Variants in CEP68 observed in about 807,000 individuals in gnomAD.
CEP68 encodes centrosomal protein 68, also known as centrosomal protein of 68 kDa.
CEP68 carries 26 observed loss-of-function variants against 55.3 expected under a neutral mutation model. That is an observed-to-expected ratio of 0.47 (90% CI 0.34 to 0.65). The LOEUF is 0.65. Ranked by LOEUF, CEP68 falls within the 30% of genes least tolerant of loss-of-function variation. CEP68 has a pLI of 0.01. For synonymous variants in CEP68, 402 were observed against 383.2 expected (o/e 1.05, Z -0.57); for missense variants, 957 against 946.7 (o/e 1.01, Z -0.14).
At position 65,072,115 on chromosome 2, in the gene CEP68, C is replaced by G. The variant is rs1477360001; in HGVS notation, c.1019C>G (p.Ser340Cys). 6.2e-7 allele frequency: 1 copy of G among 1,613,996 alleles called. No individual in the cohort carries two copies. Among genetic ancestry groups the G allele is most frequent in the African/African-American group, 1.3e-5 (1 of 74,896 alleles). Residue 340 changes from serine to cysteine, a missense_variant, in exon 3 of 7, where the codon TCT becomes TGT. By Grantham distance (112) the Ser-to-Cys change is moderately radical (BLOSUM62 -1). Coordinates refer to ENST00000377990, the MANE Select transcript of CEP68 (RefSeq NM_015147.3). ...QDSGVDLDSF[S>C]VSPASTLKSP... ...TCCGGGGTAGACCTGGATAGCTTCTCTGTCTCTCCAGCAAGCACCCTCAAA... is the reference window on the plus strand; with the variant it reads ...TCCGGGGTAGACCTGGATAGCTTCTGTGTCTCTCCAGCAAGCACCCTCAAA...
At chr2:65,074,243 G>C in intron 3 of CEP68, 39 bp from the exon 4 acceptor site, 1 of 1,607,494 alleles carries the variant, frequency 6.2e-7, no homozygotes, top group African/African-American at 1.3e-5. Flanking sequence ...ATAGCTGTTC[G>C]ATCAGTAACA....
chr2:65,083,011 T>TA (rs1230178624), intron 6 of CEP68, among the ~76,000 whole-genome samples: 1 of 152,100 alleles, frequency 6.6e-6, no homozygotes, highest in Non-Finnish European at 1.5e-5. Context: ...CAGCACAACT[T>TA]ATCTGTACAC....
chr2:65,069,384 TC>T lies in CEP68; in HGVS notation c.-46-11del. ...AGAAGATTTATATTTTTCTCTCCCTTCCCCTGTTTTGTAGGAAGCTGAAGTC... is the reference window on the plus strand; with the variant it reads ...AGAAGATTTATATTTTTCTCTCCCTTCCCTGTTTTGTAGGAAGCTGAAGTC... On this transcript the variant is annotated splice_polypyrimidine_tract_variant and intron_variant, in intron 1 of 6. Transcript: ENST00000377990. The T allele has an allele frequency of 8.0e-7, 1 of 1,253,462 alleles. No individual in the cohort carries two copies. Among genetic ancestry groups the T allele is most frequent in the Non-Finnish European group, 1.1e-6 (1 of 915,188 alleles). The allele number at this position is 1,253,462 out of a possible 1,614,324, so 77.6% of individuals were successfully genotyped here. A position where few individuals can be genotyped will look rare whatever the true frequency, so the allele number is the denominator to read the frequency against.
intron 5 of CEP68, among the ~76,000 whole-genome samples, chr2:65,079,568 A>G (rs1399125688): frequency 6.6e-6 from 1 of 152,094 alleles, no homozygotes; most frequent in East Asian, 1.9e-4. Context: ...CATTTTCACT[A>G]GGGTTCTTAG....
At chr2:65,059,495 A>G (rs188501491) in intron 1 of CEP68, among the ~76,000 whole-genome samples, 3 of 152,256 alleles carry the variant, frequency 2.0e-5, no homozygotes, top group African/African-American at 4.8e-5. Context: ...AGGGAATACT[A>G]TTATTTCTGG....
chr2:65,064,813 T>C (rs1218962955), intron 1 of CEP68, among the ~76,000 whole-genome samples: 1 of 152,142 alleles, frequency 6.6e-6, no homozygotes, highest in Non-Finnish European at 1.5e-5. Flanking sequence ...CCCTGGTTTT[T>C]CTAGCTCACG....
At chr2:65,063,666 A>G (rs761997018) in intron 1 of CEP68, among the ~76,000 whole-genome samples, 8 of 152,202 alleles carry the variant, frequency 5.3e-5, no homozygotes, top group Non-Finnish European at 1.2e-4. Flanking sequence ...ATCTATGGAA[A>G]TGAAGACCAG....
chr2:65,078,406 G>A (rs957084043), intron 5 of CEP68, among the ~76,000 whole-genome samples: 2 of 152,138 alleles, frequency 1.3e-5, no homozygotes, highest in Non-Finnish European at 2.9e-5. Flanking sequence ...GGAAATAGTT[G>A]TTTCAGAAAA....
chr2:65,079,265 C>T (rs866822934), intron 5 of CEP68, among the ~76,000 whole-genome samples: 6 of 152,140 alleles, frequency 3.9e-5, no homozygotes, highest in East Asian at 3.9e-4. Flanking sequence ...TCAGCCTTGG[C>T]GCTTTTGCCA....
At chr2:65,064,742 A>G (rs540505684) in intron 1 of CEP68, among the ~76,000 whole-genome samples, 1 of 152,146 alleles carries the variant, frequency 6.6e-6, no homozygotes, top group Non-Finnish European at 1.5e-5. Flanking sequence ...TCAAAAAAAA[A>G]AAAAAAAAGA....
intron 4 of CEP68, among the ~76,000 whole-genome samples, chr2:65,076,927 A>AAAATTTAT (rs1385452711): frequency 7.1e-6 from 1 of 140,854 alleles, no homozygotes; most frequent in African/African-American, 2.6e-5. Context: ...TAAAAATTTA[A>AAAATTTAT]AAATTTATAA....
At chr2:65,057,454 AAAC>A (rs536189597) in intron 1 of CEP68, among the ~76,000 whole-genome samples, 5 of 152,198 alleles carry the variant, frequency 3.3e-5, no homozygotes, top group East Asian at 1.9e-4. Flanking sequence ...CCCACTTAGA[AAAC>A]AACAACAACA....
At chr2:65,070,745 T>C (rs2103771816) in intron 2 of CEP68, 1 of 152,258 alleles carries the variant, frequency 6.6e-6, no homozygotes, top group East Asian at 1.9e-4. Context: ...ATTCCTGTTG[T>C]TCGTTAAGCT....
intron 3 of CEP68, chr2:65,073,317 C>A (rs1676593214): frequency 9.9e-5 from 37 of 372,644 alleles, no homozygotes; most frequent in South Asian, 8.3e-4. Flanking sequence ...GTATTCTGAA[C>A]AAAAAAGGTT....
intron 1 of CEP68, among the ~76,000 whole-genome samples, chr2:65,068,465 C>A (rs1021653755): frequency 6.6e-6 from 1 of 152,176 alleles, no homozygotes; most frequent in Non-Finnish European, 1.5e-5. Context: ...CCACTGTTAC[C>A]CACCAGCTTT....
intron 1 of CEP68, among the ~76,000 whole-genome samples, chr2:65,065,151 T>C (rs780825540): frequency 6.6e-6 from 1 of 152,230 alleles, no homozygotes; most frequent in Non-Finnish European, 1.5e-5. Flanking sequence ...GGCCCTCACA[T>C]GTGCTGGTGG....
intron 1 of CEP68, among the ~76,000 whole-genome samples, chr2:65,064,057 C>CTA (rs1676037063): frequency 6.6e-6 from 1 of 152,224 alleles, no homozygotes; most frequent in Non-Finnish European, 1.5e-5. Context: ...AAGAAAGTAA[C>CTA]TACCTTCATT....
Position 65,080,426 on chromosome 2 carries a change from G to C in CEP68, c.2105-2110G>C, listed in dbSNP as rs1314970552. 6 of 985,350 alleles carry C rather than the reference G, an allele frequency of 6.1e-6. No homozygotes were observed. In the Admixed American group the frequency reaches 2.5e-4, roughly 40 times the overall value. The allele number at this position is 985,350 out of a possible 1,614,324, so 61.0% of individuals were successfully genotyped here. On this transcript the variant is annotated intron_variant, in intron 5 of 6. Coordinates refer to ENST00000377990, the MANE Select transcript of CEP68 (RefSeq NM_015147.3). Reference sequence around the variant, plus strand: ...ACTTTTCTTCCGCCAGGAGCATGCTGTCAAAAGTCCATAGAGCCAGCCTAC... The same window carrying C: ...ACTTTTCTTCCGCCAGGAGCATGCTCTCAAAAGTCCATAGAGCCAGCCTAC...
intron 1 of CEP68, among the ~76,000 whole-genome samples, chr2:65,061,811 C>T (rs1374114821): frequency 2.0e-5 from 3 of 152,246 alleles, no homozygotes; most frequent in Non-Finnish European, 4.4e-5. Context: ...TTGGCTTCCC[C>T]TACGTGTCTT....
Sources: gnomAD v4.1 joint callset for allele counts (sites outside exome capture counted in the v4.1 genomes callset) on GRCh38, gnomAD v4.1.1 for gene constraint, MANE v1.5 for transcripts, NCBI Gene and HGNC (gene_info 2026-07-23, HGNC 2026-07-21) for gene names.